Variants in R3HDM1 observed in about 807,000 individuals in gnomAD.
The protein encoded by R3HDM1 is R3H domain containing 1.
Under a neutral mutation model 141.1 loss-of-function variants are expected in R3HDM1, and 46 were observed. The observed-to-expected ratio is 0.33, with a 90% CI of 0.26 to 0.42. R3HDM1 has a LOEUF of 0.42. Ranked by LOEUF, R3HDM1 falls within the 10% of genes least tolerant of loss-of-function variation. The pLI is 1.00. For missense variants in R3HDM1, 1,184 were observed against 1,368.3 expected, an observed-to-expected ratio of 0.87 and a Z score of 2.12; for synonymous variants, 435 against 472.9, an observed-to-expected ratio of 0.92 and a Z score of 1.04.
At chr2:135,674,185 A>G (rs562236013) in intron 19 of R3HDM1, among the ~76,000 whole-genome samples, 4 of 152,370 alleles carry the variant, frequency 2.6e-5, no homozygotes, top group Admixed American at 1.3e-4. Flanking sequence ...GTCCCTGAGC[A>G]GAATTATTAA....
rs373229003 is a variant in R3HDM1 at position 135,724,155 on chromosome 2, G to A, written c.3268G>A (p.Val1090Ile). The change falls in exon 27 of 27, where the codon GTC (valine) becomes ATC (isoleucine). Residue 1090 changes from valine to isoleucine, a missense_variant. Val to Ile is a conservative substitution (Grantham distance 29). Coordinates refer to ENST00000683871, the MANE Select transcript of R3HDM1 (RefSeq NM_001378107.1). Reference sequence around the variant, plus strand: ...CAGTGACTTGGCCTCCACCTACACCGTCTTAGCCACATTCCCCTCCATTTC... The same window carrying A: ...CAGTGACTTGGCCTCCACCTACACCATCTTAGCCACATTCCCCTCCATTTC... ...KPSDLASTYT[V>I]LATFPSISAA... The A allele has an allele frequency of 4.1e-5, 66 of 1,613,858 alleles. No homozygotes were observed. The highest frequency in any genetic ancestry group is 4.0e-4 in the South Asian group (36 of 91,086).
chr2:135,638,233 T>C (rs1409424874), intron 11 of R3HDM1, among the ~76,000 whole-genome samples: 1 of 152,184 alleles, frequency 6.6e-6, no homozygotes, highest in East Asian at 1.9e-4. Context: ...CATTAAGGCA[T>C]AGCTACTTGT....
chr2:135,620,375 A>T, intron 5 of R3HDM1: 3 of 841,792 alleles, frequency 3.6e-6, no homozygotes, highest in Non-Finnish European at 4.3e-6. Context: ...GAATCACAAT[A>T]AGAAAAATTA....
intron 1 of R3HDM1, among the ~76,000 whole-genome samples, chr2:135,545,800 A>G (rs1318035261): frequency 6.6e-6 from 1 of 152,180 alleles, no homozygotes; most frequent in African/African-American, 2.4e-5. Flanking sequence ...CCATATATCA[A>G]GGATTTCCTG....
chr2:135,617,363 C>T (rs759255598), intron 5 of R3HDM1, among the ~76,000 whole-genome samples: 30 of 151,832 alleles, frequency 2.0e-4, no homozygotes, highest in Non-Finnish European at 4.0e-4. Context: ...GTAGCATTTC[C>T]AGTGAATATA....
At chr2:135,594,927 C>G (rs1343616167) in intron 1 of R3HDM1, among the ~76,000 whole-genome samples, 1 of 152,054 alleles carries the variant, frequency 6.6e-6, no homozygotes, top group East Asian at 1.9e-4. Context: ...TTGTGATCTT[C>G]CACTTTCCTC....
chr2:135,632,448 C>G (rs1026563999), intron 9 of R3HDM1, among the ~76,000 whole-genome samples: 2 of 152,090 alleles, frequency 1.3e-5, no homozygotes, highest in African/African-American at 4.8e-5. Flanking sequence ...CTCCTTTTCT[C>G]TCACAATTCT....
At chr2:135,597,035 A>G (rs1211207172) in intron 1 of R3HDM1, 25 of 984,544 alleles carry the variant, frequency 2.5e-5, no homozygotes, top group Non-Finnish European at 3.0e-5. Flanking sequence ...TTCTCCACTC[A>G]GAATGCAGCA....
chr2:135,700,777 T>G (rs1211580711), intron 21 of R3HDM1, among the ~76,000 whole-genome samples: 2 of 152,236 alleles, frequency 1.3e-5, no homozygotes, highest in Non-Finnish European at 2.9e-5. Context: ...CAGTTTATTT[T>G]CATGTGGAAT....
At chr2:135,649,383 TAG>T (rs1491213549) in intron 16 of R3HDM1, 3 of 152,178 alleles carry the variant, frequency 2.0e-5, no homozygotes, top group Non-Finnish European at 4.4e-5. Context: ...TGCTAAAAGT[TAG>T]GGGCTTTGGT....
chr2:135,684,122 A>G (rs13385406), intron 21 of R3HDM1, among the ~76,000 whole-genome samples: 1 of 151,716 alleles, frequency 6.6e-6, no homozygotes, highest in African/African-American at 2.4e-5. Context: ...ACAGAGTCTC[A>G]CTCTGTCGCC....
chr2:135,616,569 G>T (rs2105159049), intron 4 of R3HDM1, 99 bp from the exon 5 acceptor site: 1 of 978,558 alleles, frequency 1.0e-6, no homozygotes, highest in Non-Finnish European at 1.5e-6. Flanking sequence ...GTTATACATG[G>T]CAGAAACTAT....
chr2:135,540,562 A>G (rs984218056), intron 1 of R3HDM1, among the ~76,000 whole-genome samples: 1 of 152,140 alleles, frequency 6.6e-6, no homozygotes, highest in Non-Finnish European at 1.5e-5. Context: ...GCATGCCACC[A>G]CATCCGTCTA....
chr2:135,604,192 A>AAT (rs2059855881), intron 2 of R3HDM1, among the ~76,000 whole-genome samples: 1 of 152,210 alleles, frequency 6.6e-6, no homozygotes, highest in South Asian at 2.1e-4. Flanking sequence ...TGTATTTTGT[A>AAT]ATAGAATGTT....
chr2:135,646,053 C>T (rs575957663), intron 16 of R3HDM1, among the ~76,000 whole-genome samples: 3 of 152,154 alleles, frequency 2.0e-5, no homozygotes, highest in African/African-American at 4.8e-5. Context: ...TTCATTTTCA[C>T]ATTCAGTCTT....
chr2:135,534,855 A>G (rs6745996), intron 1 of R3HDM1, among the ~76,000 whole-genome samples: 46,092 of 152,116 alleles, frequency 0.3, 11,427 homozygotes, highest in African/African-American at 0.67. Flanking sequence ...TGGTACTTTA[A>G]TATACCTAAT....
intron 17 of R3HDM1, chr2:135,650,786 T>A: frequency 1.0e-6 from 1 of 984,048 alleles, no homozygotes; most frequent in Non-Finnish European, 1.2e-6. Flanking sequence ...ATAGCCGTAA[T>A]TTACTTTGGA....
At chr2:135,576,132 T>C (rs942407898) in intron 1 of R3HDM1, among the ~76,000 whole-genome samples, 1 of 152,124 alleles carries the variant, frequency 6.6e-6, no homozygotes, top group Non-Finnish European at 1.5e-5. Flanking sequence ...GCTCAGTGGC[T>C]CACATCTGTA....
At chr2:135,634,143 G>A (rs1034368834) in intron 9 of R3HDM1, among the ~76,000 whole-genome samples, 7 of 151,870 alleles carry the variant, frequency 4.6e-5, no homozygotes, top group Non-Finnish European at 7.4e-5. Flanking sequence ...GCTGTTTTTC[G>A]TCTTCCTATT....
Sources: gnomAD v4.1 joint callset for allele counts (sites outside exome capture counted in the v4.1 genomes callset) on GRCh38, gnomAD v4.1.1 for gene constraint, MANE v1.5 for transcripts, NCBI Gene and HGNC (gene_info 2026-07-23, HGNC 2026-07-21) for gene names.